The following DEUP1 variants were observed in gnomAD, a reference collection of about 807,000 sequenced individuals.
DEUP1 encodes the protein coiled-coil domain containing 67.
A neutral mutation model predicts 87.4 loss-of-function variants in DEUP1; 82 were observed. The ratio of observed to expected loss-of-function variants is 0.94; its 90% CI spans 0.78 to 1.13. The LOEUF is 1.13. DEUP1 is among the 50% of genes most tolerant of loss of function. The probability of loss-of-function intolerance (pLI) is 0.00; values close to 1 mark genes in which losing one functional copy is unlikely to be tolerated. For synonymous variants in DEUP1, 214 were observed against 222.7 expected (o/e 0.96, Z 0.35); for missense variants, 663 against 681.5 (o/e 0.97, Z 0.30).
intron 2 of DEUP1, among the ~76,000 whole-genome samples, chr11:93,337,398 T>C: frequency 6.9e-6 from 1 of 145,596 alleles, no homozygotes. Flanking sequence ...AGTCAACATA[T>C]TGGTACCTGA....
intron 7 of DEUP1, chr11:93,383,399 A>C (rs533236370): frequency 2.3e-6 from 1 of 427,062 alleles, no homozygotes; most frequent in South Asian, 6.2e-5. Context: ...CATTTGTATG[A>C]AACATCTAGA....
intron 4 of DEUP1, among the ~76,000 whole-genome samples, chr11:93,363,422 G>A (rs1945273280): frequency 6.6e-6 from 1 of 151,736 alleles, no homozygotes; most frequent in Non-Finnish European, 1.5e-5. Flanking sequence ...AAATATTGGG[G>A]GAAACTGGGT....
intron 2 of DEUP1, among the ~76,000 whole-genome samples, chr11:93,342,971 G>A (rs1944154583): frequency 6.6e-6 from 1 of 152,180 alleles, no homozygotes; most frequent in Admixed American, 6.5e-5. Flanking sequence ...GGTTTGTGGT[G>A]CAGGGAGTCT....
intron 2 of DEUP1, 63 bp downstream of exon 2, chr11:93,332,351 A>G: frequency 7.3e-7 from 1 of 1,369,382 alleles, no homozygotes; most frequent in Non-Finnish European, 1.0e-6. Flanking sequence ...ACTTCCTGAG[A>G]ACACATGAAT....
At chr11:93,417,649 A>G (rs1399386574) in intron 13 of DEUP1, among the ~76,000 whole-genome samples, 2 of 151,454 alleles carry the variant, frequency 1.3e-5, no homozygotes, top group Non-Finnish European at 2.9e-5. Context: ...CAAGCTACCA[A>G]TGACTTTCTT....
At position 93,373,624 on chromosome 11, in the gene DEUP1, C is replaced by CGT. The variant is rs201373611; in HGVS notation, c.789+2345_789+2346dup. 2.4e-3 allele frequency among the ~76,000 whole-genome samples: 187 copies of CGT among 78,880 alleles called. 1 individual carries two copies. Among genetic ancestry groups the CGT allele is most frequent in the African/African-American group, 5.6e-3 (172 of 30,928 alleles). 51.7% of individuals were successfully genotyped at this position (78,880 alleles called of 152,430 possible). On this transcript the variant is annotated intron_variant, in intron 7 of 13. Transcript: ENST00000298050. ...ATATATTTATATATGTATATATATA[C>CGT]GTATATATATATATATATATATATA... is the stretch of plus-strand genomic sequence containing the variant.
At chr11:93,430,403 A>G (rs1948068117) in intron 13 of DEUP1, among the ~76,000 whole-genome samples, 1 of 152,244 alleles carries the variant, frequency 6.6e-6, no homozygotes, top group Non-Finnish European at 1.5e-5. Flanking sequence ...TCAGCCATTA[A>G]AAGCAGCTAT....
intron 2 of DEUP1, among the ~76,000 whole-genome samples, chr11:93,344,547 T>A (rs2134174226): frequency 6.6e-6 from 1 of 152,180 alleles, no homozygotes; most frequent in East Asian, 1.9e-4. Flanking sequence ...GACATCCATA[T>A]CTGTCTTTTA....
intron 12 of DEUP1, among the ~76,000 whole-genome samples, chr11:93,413,604 C>T (rs1304259336): frequency 6.6e-6 from 1 of 152,158 alleles, no homozygotes; most frequent in Non-Finnish European, 1.5e-5. Context: ...TAATCCCAAA[C>T]AGCCCATACT....
intron 13 of DEUP1, among the ~76,000 whole-genome samples, chr11:93,436,893 A>T (rs914645225): frequency 3.6e-4 from 55 of 151,604 alleles, no homozygotes; most frequent in South Asian, 6.3e-4. Flanking sequence ...ACAGATTTTT[A>T]TTTTTTTTTA....
chr11:93,357,240 G>T, intron 4 of DEUP1, 197 bp downstream of exon 4: 1 of 470,698 alleles, frequency 2.1e-6, no homozygotes. Flanking sequence ...TATTTTCTGT[G>T]CCTCTGTTAG....
At chr11:93,376,849 A>C (rs1399471990) in intron 7 of DEUP1, among the ~76,000 whole-genome samples, 2 of 152,072 alleles carry the variant, frequency 1.3e-5, no homozygotes, top group Non-Finnish European at 2.9e-5. Context: ...AGAATTTTTT[A>C]ATTTCCATCT....
Position 93,370,156 on chromosome 11 carries a change from A to G in DEUP1, c.516A>G (p.Lys172=). Residue 172 remains lysine (K), a synonymous_variant, in exon 6 of 14, where the codon AAA becomes AAG. Transcript: ENST00000298050. The part of the protein sequence containing the change: ...THLISLDAQQ[K]LLSEKCNQFQ... ...TGATTTCTTTAGATGCTCAACAAAA[A>G]TTATTATCTGAGAAGTGTAATCAGT... 1 of 1,587,700 alleles carries G rather than the reference A, an allele frequency of 6.3e-7. No individual in the cohort carries two copies. Among genetic ancestry groups the G allele is most frequent in the Non-Finnish European group, 8.6e-7 (1 of 1,158,852 alleles).
intron 2 of DEUP1, among the ~76,000 whole-genome samples, chr11:93,348,912 T>C (rs1283577808): frequency 6.6e-6 from 1 of 152,156 alleles, no homozygotes; most frequent in Non-Finnish European, 1.5e-5. Context: ...CAGCAGGTAA[T>C]GCTTATCAAG....
At chr11:93,372,122 G>A (rs1304746847) in intron 7 of DEUP1, among the ~76,000 whole-genome samples, 1 of 151,624 alleles carries the variant, frequency 6.6e-6, no homozygotes, top group Non-Finnish European at 1.5e-5. Flanking sequence ...TAGAGACGGG[G>A]TTTCACCGTT....
intron 2 of DEUP1, among the ~76,000 whole-genome samples, chr11:93,335,630 CATT>C (rs1352374847): frequency 6.6e-6 from 1 of 152,188 alleles, no homozygotes; most frequent in African/African-American, 2.4e-5. Context: ...ATATGATTAA[CATT>C]ATAAAATATA....
intron 12 of DEUP1, among the ~76,000 whole-genome samples, chr11:93,414,516 TAATA>T (rs370654550): frequency 6.6e-5 from 10 of 151,750 alleles, no homozygotes; most frequent in African/African-American, 2.2e-4. Context: ...CAAAATAAAT[TAATA>T]AATAAATAAA....
At chr11:93,396,377 T>A (rs757736049) in intron 11 of DEUP1, 52 bp downstream of exon 11, 1 of 1,144,268 alleles carries the variant, frequency 8.7e-7, no homozygotes. Flanking sequence ...ACTGAATTGG[T>A]CACGATTAAC....
chr11:93,368,588 A>G (rs1421394258), intron 5 of DEUP1, among the ~76,000 whole-genome samples: 2 of 152,182 alleles, frequency 1.3e-5, no homozygotes, highest in Non-Finnish European at 2.9e-5. Context: ...TCAAACAACC[A>G]GATCTCATGA....
Sources: gnomAD v4.1 joint callset for allele counts (sites outside exome capture counted in the v4.1 genomes callset) on GRCh38, gnomAD v4.1.1 for gene constraint, MANE v1.5 for transcripts, NCBI Gene and HGNC (gene_info 2026-07-23, HGNC 2026-07-21) for gene names.